The following AFDN variants were observed in gnomAD, a reference collection of about 807,000 sequenced individuals.
The protein encoded by AFDN is afadin, adherens junction formation factor.
Under a neutral mutation model 216.6 loss-of-function variants are expected in AFDN, and 68 were observed. That is an observed-to-expected ratio of 0.31 (90% CI 0.26 to 0.38). AFDN has a LOEUF of 0.38. AFDN is among the 10% of genes least tolerant of loss of function. The pLI is 1.00. For synonymous variants in AFDN, 868 were observed against 853.7 expected, an observed-to-expected ratio of 1.02 and a Z score of -0.29; for missense variants, 2,136 against 2,342.0, an observed-to-expected ratio of 0.91 and a Z score of 1.82.
chr6:167,915,308 G>C lies in AFDN; in HGVS notation c.2440G>C (p.Asp814His), dbSNP rs1294694213. The stretch of plus-strand genomic sequence containing the variant: ...GTTCAATAGATTGGTGACCGACCCA[G>C]ATTCGGGGCTGTGCTCCCATTACTG... ...WLFNRLVTDPDSGLCSHYWGA... is the reference protein window; with the variant it reads ...WLFNRLVTDPHSGLCSHYWGA... Residue 814 changes from aspartate to histidine, a missense_variant, in exon 19 of 34, where the codon GAT becomes CAT. Physicochemically the swap from Asp to His is moderately conservative, Grantham distance 81 (BLOSUM62 -1). Around this residue, in one of 8 missense-constraint regions of AFDN, gnomAD observed 817 missense variants for 965.7 expected, o/e 0.85. Coordinates refer to ENST00000683244, the MANE Select transcript of AFDN (RefSeq NM_001386888.1). 1.2e-6 allele frequency: 2 copies of C among 1,614,238 alleles called. No individual in the cohort carries two copies. The highest frequency in any genetic ancestry group is 2.2e-5 in the East Asian group (1 of 44,884).
intron 23 of AFDN, among the ~76,000 whole-genome samples, chr6:167,935,192 C>T (rs1418432201): frequency 2.0e-5 from 3 of 152,078 alleles, no homozygotes; most frequent in African/African-American, 7.2e-5. Context: ...CCCCTTCTTC[C>T]TTTTTAATGG....
chr6:167,912,846 G>A (rs894637333), intron 15 of AFDN, among the ~76,000 whole-genome samples: 2 of 152,174 alleles, frequency 1.3e-5, no homozygotes, highest in African/African-American at 4.8e-5. Flanking sequence ...AACTGTGGTA[G>A]TGAATAATTT....
At chr6:167,948,578 C>A (rs1308269963) in intron 29 of AFDN, 100 bp downstream of exon 29, 1 of 1,162,724 alleles carries the variant, frequency 8.6e-7, no homozygotes. Flanking sequence ...GCATTGTTGG[C>A]CTTTTGTTTT....
chr6:167,897,389 A>G (rs1346102214), intron 10 of AFDN, among the ~76,000 whole-genome samples: 1 of 152,210 alleles, frequency 6.6e-6, no homozygotes, highest in Non-Finnish European at 1.5e-5. Flanking sequence ...ACAGAGCTTA[A>G]CACATTATTT....
At chr6:167,943,539 G>A (rs376397455) in intron 25 of AFDN, 64 bp downstream of exon 25, 4 of 1,315,504 alleles carry the variant, frequency 3.0e-6, no homozygotes, top group Non-Finnish European at 4.4e-6. Context: ...TGCATTAAAT[G>A]TTGAAATTGG....
At chr6:167,830,585 A>G (rs886590800) in intron 1 of AFDN, among the ~76,000 whole-genome samples, 4 of 152,186 alleles carry the variant, frequency 2.6e-5, no homozygotes, top group Non-Finnish European at 4.4e-5. Flanking sequence ...ATGCTAGGTA[A>G]TTGACTATTT....
chr6:167,955,629 T>A (rs1478613832), intron 30 of AFDN, among the ~76,000 whole-genome samples: 4 of 152,212 alleles, frequency 2.6e-5, no homozygotes, highest in African/African-American at 9.6e-5. Context: ...TTTCTTATAC[T>A]ATGAAGAATT....
At chr6:167,945,908 A>G (rs1795202094) in intron 26 of AFDN, among the ~76,000 whole-genome samples, 1 of 152,200 alleles carries the variant, frequency 6.6e-6, no homozygotes, top group Admixed American at 6.5e-5. Context: ...GTATACATAG[A>G]CTTCTAAATA....
intron 23 of AFDN, among the ~76,000 whole-genome samples, chr6:167,927,131 C>G (rs1244988444): frequency 6.6e-6 from 1 of 152,010 alleles, no homozygotes; most frequent in Non-Finnish European, 1.5e-5. Context: ...AGATCTAGTA[C>G]AAGTACCATA....
chr6:167,899,626 C>T (rs1788696338), intron 11 of AFDN, among the ~76,000 whole-genome samples: 1 of 152,122 alleles, frequency 6.6e-6, no homozygotes, highest in Admixed American at 6.5e-5. Flanking sequence ...TTTCTTCAGC[C>T]CTGTTTCTTC....
intron 23 of AFDN, among the ~76,000 whole-genome samples, chr6:167,935,156 C>G (rs1024043897): frequency 6.6e-6 from 1 of 152,162 alleles, no homozygotes; most frequent in African/African-American, 2.4e-5. Flanking sequence ...TCCTCTCCCT[C>G]GTTAGTCCCA....
At position 167,898,439 on chromosome 6, in the gene AFDN, A is replaced by G. The variant is rs77906902; in HGVS notation, c.1552A>G (p.Met518Val). Residue 518 changes from methionine (M) to valine (V), a missense_variant, in exon 11 of 34, where the codon ATG becomes GTG. By Grantham distance (21) the Met-to-Val change is conservative. Transcript: ENST00000683244. ...AAAAAGATCTGTGGATGGAGGCCTGATGGTTAAGGGCCCAAGACATAAACC... is the reference window on the plus strand; with the variant it reads ...AAAAAGATCTGTGGATGGAGGCCTGGTGGTTAAGGGCCCAAGACATAAACC... ...LAKRSVDGGL[M>V]VKGPRHKPGI... 4.8e-5 allele frequency: 77 copies of G among 1,614,120 alleles called. No individual in the cohort carries two copies. In the East Asian group the frequency reaches 1.7e-3, roughly 35 times the overall value.
At chr6:167,826,659 C>T, upstream of AFDN, 1 of 479,556 alleles carries the variant, frequency 2.1e-6, no homozygotes, top group Admixed American at 2.1e-5. Context: ...CCGAACCTAG[C>T]ACCGCTGGTC....
At chr6:167,839,736 A>T (rs548954676) in intron 1 of AFDN, among the ~76,000 whole-genome samples, 4 of 152,202 alleles carry the variant, frequency 2.6e-5, no homozygotes, top group Non-Finnish European at 5.9e-5. Flanking sequence ...TGTGACACTT[A>T]ATTGACACAT....
chr6:167,911,620 T>C, intron 15 of AFDN, 131 bp downstream of exon 15: 1 of 793,448 alleles, frequency 1.3e-6, no homozygotes, highest in Non-Finnish European at 2.1e-6. Context: ...TATGTAAATA[T>C]TGTAGGAAAA....
chr6:167,889,371 A>C lies in AFDN; in HGVS notation c.1009+45A>C, dbSNP rs1192975308. The stretch of plus-strand genomic sequence containing the variant: ...ATTACTTACACCAGATTCCTATGTG[A>C]TATACCAGGTGTTCACCTTATCACA... On this transcript the variant is annotated intron_variant, in intron 7 of 33. Transcript: ENST00000683244. 3 of 1,308,462 alleles carry C rather than the reference A, an allele frequency of 2.3e-6. No homozygotes were observed. In the Admixed American group the frequency reaches 5.1e-5, roughly 22 times the overall value. 81.1% of individuals were successfully genotyped at this position (1,308,462 alleles called of 1,614,324 possible). A position where few individuals can be genotyped will look rare whatever the true frequency, so the allele number is the denominator to read the frequency against.
In AFDN at chr6:167,875,344, T is replaced by G; in HGVS notation, c.588T>G (p.Ser196=). 6.2e-7 allele frequency: 1 copy of G among 1,603,960 alleles called. No individual in the cohort carries two copies. ...TTTTTTTTTCTTACAGTGAAAATTC[T>G]CGACTGGCTGCTGAGGTTTACAAAG... is the stretch of plus-strand genomic sequence containing the variant. ...RPFQGEDVEN[S]RLAAEVYKDM... The change falls in exon 5 of 34, where the codon TCT becomes TCG. Residue 196 remains serine, a synonymous_variant. Transcript: ENST00000683244.
intron 8 of AFDN, 132 bp from the exon 9 acceptor site, chr6:167,893,729 TC>T: frequency 1.4e-6 from 1 of 702,386 alleles, no homozygotes. Flanking sequence ...TACCTTTTCT[TC>T]CTTTGAAACG....
Position 167,896,982 on chromosome 6 carries a change from C to T in AFDN, c.1317+10C>T. On this transcript the variant is annotated intron_variant, in intron 10 of 33. Transcript: ENST00000683244. The stretch of plus-strand genomic sequence containing the variant: ...TGACAACTCTATCCAGGTACGTAGT[C>T]TGAGCTTCCTGCTGCAACTCTGACA... 1 of 1,522,078 alleles carries T rather than the reference C, an allele frequency of 6.6e-7. No individual in the cohort carries two copies. The highest frequency in any genetic ancestry group is 2.2e-5 in the East Asian group (1 of 44,446). 94.3% of individuals were successfully genotyped at this position (1,522,078 alleles called of 1,614,324 possible). A position where few individuals can be genotyped will look rare whatever the true frequency, so the allele number is the denominator to read the frequency against.
Sources: gnomAD v4.1 joint callset for allele counts (sites outside exome capture counted in the v4.1 genomes callset) on GRCh38, gnomAD v4.1.1 for gene constraint, gnomAD v4.1.1 regional missense constraint, MANE v1.5 for transcripts, NCBI Gene and HGNC (gene_info 2026-07-23, HGNC 2026-07-21) for gene names.